The following SEC23IP variants were observed in gnomAD, a reference collection of about 807,000 sequenced individuals.
The protein encoded by SEC23IP is SEC23-interacting protein.
Under a neutral mutation model 113.4 loss-of-function variants are expected in SEC23IP, and 70 were observed. The ratio of observed to expected loss-of-function variants is 0.62; its 90% CI spans 0.51 to 0.75. The LOEUF is 0.75. Ranked by LOEUF, SEC23IP falls within the 30% of genes least tolerant of loss-of-function variation. The pLI, the probability that SEC23IP is intolerant of heterozygous loss-of-function variation, is 0.00. For missense variants in SEC23IP, 1,160 were observed against 1,204.9 expected (o/e 0.96, Z 0.55); for synonymous variants, 398 against 421.0 (o/e 0.95, Z 0.67).
At chr10:119,903,981 G>T in intron 3 of SEC23IP, 103 bp from the exon 4 acceptor site, 1 of 1,246,466 alleles carries the variant, frequency 8.0e-7, no homozygotes, top group South Asian at 1.4e-5. Context: ...CGGCCTCCCA[G>T]GGTGCTGGGA....
At chr10:119,901,550 A>T (rs1249061229) in intron 2 of SEC23IP, among the ~76,000 whole-genome samples, 1 of 152,234 alleles carries the variant, frequency 6.6e-6, no homozygotes, top group Non-Finnish European at 1.5e-5. Context: ...TAATTTACAT[A>T]CAGTAAAAGG....
intron 5 of SEC23IP, 150 bp from the exon 6 acceptor site, chr10:119,911,894 C>A: frequency 1.2e-6 from 1 of 824,456 alleles, no homozygotes; most frequent in Non-Finnish European, 1.9e-6. Context: ...ACTAGCAAGA[C>A]TCCTTCAAAG....
At chr10:119,907,687 A>G (rs1854722254) in intron 4 of SEC23IP, among the ~76,000 whole-genome samples, 1 of 152,214 alleles carries the variant, frequency 6.6e-6, no homozygotes. Flanking sequence ...ACCGTAGCTC[A>G]CGCCTGTAAT....
rs186668530 is a variant in SEC23IP at position 119,920,172 on chromosome 10, A to G, written c.2025+576A>G. ...GTTGGTCAGACTGTAAAATATTACA[A>G]ACTCTTTGGAAGGCAGTTTGGCAAT... On this transcript the variant is annotated intron_variant, in intron 11 of 18. Transcript: ENST00000369075. Among the ~76,000 whole-genome samples, 548 of 152,316 alleles carry G rather than the reference A, an allele frequency of 3.6e-3. 1 individual carries two copies. The highest frequency in any genetic ancestry group is 0.013 in the African/African-American group (526 of 41,574).
intron 4 of SEC23IP, chr10:119,904,545 G>A (rs1854602205): frequency 3.3e-5 from 11 of 333,248 alleles, no homozygotes; most frequent in East Asian, 5.6e-5. Flanking sequence ...AACCTAGGCC[G>A]CTGGGATTTG....
chr10:119,899,241 T>C (rs545791121), intron 2 of SEC23IP, among the ~76,000 whole-genome samples: 42 of 152,342 alleles, frequency 2.8e-4, no homozygotes, highest in African/African-American at 1.0e-3. Context: ...TAAAAATAAG[T>C]GTTGTCTAGA....
rs1855945055 is a variant in SEC23IP at position 119,940,902 on chromosome 10, G to A, written c.*337G>A. ...ATCAATGAAGAAATATTTGTAGCAT[G>A]TAAACGGTTATTTCTGTTTCTTAAA... On this transcript the variant is annotated 3_prime_UTR_variant, in exon 19 of 19. Transcript: ENST00000369075. The A allele has an allele frequency of 6.6e-6, 1 of 152,220 alleles. No homozygotes were observed. The highest frequency in any genetic ancestry group is 1.9e-4 in the East Asian group (1 of 5,202). 9.4% of individuals were successfully genotyped at this position (152,220 alleles called of 1,614,324 possible).
chr10:119,943,688 C>T lies in SEC23IP; in HGVS notation c.*3123C>T, dbSNP rs2134554379. 6.6e-6 allele frequency: 1 copy of T among 152,354 alleles called. No individual in the cohort carries two copies. Among genetic ancestry groups the T allele is most frequent in the Non-Finnish European group, 1.5e-5 (1 of 68,036 alleles). The allele number at this position is 152,354 out of a possible 1,614,324, so 9.4% of individuals were successfully genotyped here. ...ACTGAAAATAATGTCATGTTGTTAA[C>T]ACCAGTGGGAGTTTGGGAAATAATT... is the stretch of plus-strand genomic sequence containing the variant. On this transcript the variant is annotated 3_prime_UTR_variant, in exon 19 of 19. Transcript: ENST00000369075.
chr10:119,929,481 A>T (rs542984541), intron 13 of SEC23IP, 126 bp from the exon 14 acceptor site: 1 of 704,164 alleles, frequency 1.4e-6, no homozygotes, highest in Admixed American at 2.3e-5. Flanking sequence ...TGATCCGCCC[A>T]CCTTGGCCTC....
At chr10:119,934,681 C>T (rs1336738527) in intron 18 of SEC23IP, among the ~76,000 whole-genome samples, 1 of 152,210 alleles carries the variant, frequency 6.6e-6, no homozygotes, top group Non-Finnish European at 1.5e-5. Flanking sequence ...AAGGAAGTTC[C>T]TGCCATTTTT....
intron 12 of SEC23IP, among the ~76,000 whole-genome samples, chr10:119,925,126 T>C (rs1855377703): frequency 6.6e-6 from 1 of 152,204 alleles, no homozygotes; most frequent in African/African-American, 2.4e-5. Flanking sequence ...TTGTATGCAC[T>C]TGTGTCGTCA....
At position 119,929,605 on chromosome 10, in the gene SEC23IP, A is replaced by G. The variant is rs1287760469; in HGVS notation, c.2314-2A>G. ...CTTTCATTGTTATTTGATTCTTTCC[A>G]GGTTTCTGTTGCTTACAACTCATTA... On this transcript the variant is annotated splice_acceptor_variant, in intron 13 of 18. Coordinates refer to ENST00000369075, the MANE Select transcript of SEC23IP (RefSeq NM_007190.4). LOFTEE classifies it high-confidence loss of function. 2 of 1,602,346 alleles carry G rather than the reference A, an allele frequency of 1.2e-6. No individual in the cohort carries two copies. Among genetic ancestry groups the G allele is most frequent in the East Asian group, 2.2e-5 (1 of 44,808 alleles).
rs553606238 is a variant in SEC23IP, at chr10:119,925,245, C to G, written c.2122-791C>G. Among the ~76,000 whole-genome samples, 4 of 151,516 alleles carry G rather than the reference C, an allele frequency of 2.6e-5. No individual in the cohort carries two copies. The South Asian group carries it at 8.3e-4, about 31-fold the overall frequency. On this transcript the variant is annotated intron_variant, in intron 12 of 18. Transcript: ENST00000369075. ...CTCCCTCATGCTTCTTTCTAGTTAA[C>G]TCCTCCTACCACAAAACCACTCTTC...
At chr10:119,903,877 C>T (rs985755408) in intron 3 of SEC23IP, among the ~76,000 whole-genome samples, 14 of 152,296 alleles carry the variant, frequency 9.2e-5, no homozygotes, top group African/African-American at 2.6e-4. Context: ...TGTGCCACCA[C>T]GCCTGGCTAA....
chr10:119,928,913 C>T (rs1373751614), intron 13 of SEC23IP, among the ~76,000 whole-genome samples: 2 of 152,174 alleles, frequency 1.3e-5, no homozygotes, highest in Admixed American at 6.5e-5. Context: ...GTGCCGAGCT[C>T]GTGCTAAGCA....
At chr10:119,901,499 A>C (rs971023864) in intron 2 of SEC23IP, among the ~76,000 whole-genome samples, 1 of 151,898 alleles carries the variant, frequency 6.6e-6, no homozygotes, top group Non-Finnish European at 1.5e-5. Context: ...AAACATTCCA[A>C]ATTTATTAGC....
intron 17 of SEC23IP, 32 bp from the exon 18 acceptor site, chr10:119,933,654 C>G (rs765284810): frequency 8.3e-7 from 1 of 1,198,906 alleles, no homozygotes; most frequent in African/African-American, 1.5e-5. Flanking sequence ...TTCTAATTGT[C>G]TCTTAAGTAA....
chr10:119,920,690 T>C (rs1014623035), intron 11 of SEC23IP, among the ~76,000 whole-genome samples, 199 bp from the exon 12 acceptor site: 2 of 152,228 alleles, frequency 1.3e-5, no homozygotes, highest in African/African-American at 4.8e-5. Flanking sequence ...TGTTAATTAA[T>C]AGAATGATTT....
intron 18 of SEC23IP, 55 bp downstream of exon 18, chr10:119,933,842 G>A: frequency 1.2e-6 from 1 of 867,430 alleles, no homozygotes; most frequent in Non-Finnish European, 1.9e-6. Flanking sequence ...TCTCAAATCT[G>A]TTGTATGGAG....
Sources: gnomAD v4.1 joint callset for allele counts (sites outside exome capture counted in the v4.1 genomes callset) on GRCh38, gnomAD v4.1.1 for gene constraint, MANE v1.5 for transcripts, NCBI Gene and HGNC (gene_info 2026-07-23, HGNC 2026-07-21) for gene names.